Variants in MICU1 observed in about 807,000 individuals in gnomAD.
MICU1 encodes the protein mitochondrial calcium uptake 1, also known as calcium uptake protein 1, mitochondrial.
Under a neutral mutation model 56.8 loss-of-function variants are expected in MICU1, and 45 were observed. The observed-to-expected ratio is 0.79, with a 90% CI of 0.62 to 1.02. The LOEUF is 1.02. MICU1 is among the 50% of genes least tolerant of loss of function. The probability of loss-of-function intolerance (pLI) is 0.00; values close to 1 mark genes in which losing one functional copy is unlikely to be tolerated. For synonymous variants in MICU1, 186 were observed against 195.1 expected (o/e 0.95, Z 0.39); for missense variants, 504 against 587.1 (o/e 0.86, Z 1.46).
At chr10:72,484,984 A>T (rs1264125816) in intron 6 of MICU1, among the ~76,000 whole-genome samples, 1 of 152,166 alleles carries the variant, frequency 6.6e-6, no homozygotes, top group African/African-American at 2.4e-5. Flanking sequence ...GCTGCCTTTG[A>T]GTTACAAGGG....
intron 10 of MICU1, among the ~76,000 whole-genome samples, chr10:72,407,134 A>C (rs568735645): frequency 6.6e-6 from 1 of 152,310 alleles, no homozygotes; most frequent in Admixed American, 6.5e-5. Context: ...GGGGGCAAAA[A>C]CTGTGAAGGG....
At chr10:72,500,367 G>A (rs111401159) in intron 6 of MICU1, among the ~76,000 whole-genome samples, 11 of 133,558 alleles carry the variant, frequency 8.2e-5, no homozygotes, top group African/African-American at 2.6e-4. Flanking sequence ...AGGCTAGGGT[G>A]CAGTGGCGTG....
chr10:72,571,761 C>T (rs1449393622), intron 1 of MICU1, among the ~76,000 whole-genome samples: 1 of 151,768 alleles, frequency 6.6e-6, no homozygotes, highest in Non-Finnish European at 1.5e-5. Flanking sequence ...CAAAAAATTT[C>T]CAAAGAAAAA....
rs527967776 is a variant in MICU1 at position 72,505,079 on chromosome 10, T to G, written c.652+3076A>C. 2.0e-5 allele frequency among the ~76,000 whole-genome samples: 3 copies of G among 152,104 alleles called. No individual in the cohort carries two copies. The East Asian group carries it at 5.8e-4, about 29-fold the overall frequency. Reference sequence around the variant, plus strand: ...ACCTCCACCTCCCGGGTTCAAGTGATTCTCCTGCCTTAGCCTCCTGAGTAG... The same window carrying G: ...ACCTCCACCTCCCGGGTTCAAGTGAGTCTCCTGCCTTAGCCTCCTGAGTAG... On this transcript the variant is annotated intron_variant, in intron 6 of 11. Coordinates refer to ENST00000361114, the MANE Select transcript of MICU1 (RefSeq NM_001195518.2).
intron 10 of MICU1, among the ~76,000 whole-genome samples, chr10:72,391,332 T>C (rs1013382982): frequency 6.6e-6 from 1 of 152,030 alleles, no homozygotes; most frequent in Non-Finnish European, 1.5e-5. Flanking sequence ...CTTGGGAGGC[T>C]GAGGCAGGAG....
chr10:72,508,305 T>C, intron 5 of MICU1, 36 bp from the exon 6 acceptor site: 1 of 865,700 alleles, frequency 1.2e-6, no homozygotes, highest in Non-Finnish European at 1.8e-6. Context: ...AAGACAAAAA[T>C]ATATAAGTGA....
At chr10:72,520,336 T>A (rs1191367628) in intron 5 of MICU1, among the ~76,000 whole-genome samples, 1 of 152,132 alleles carries the variant, frequency 6.6e-6, no homozygotes, top group Non-Finnish European at 1.5e-5. Flanking sequence ...ATTAAAAATG[T>A]TGCACAGCTA....
intron 10 of MICU1, among the ~76,000 whole-genome samples, chr10:72,378,330 G>A (rs1319650814): frequency 6.6e-6 from 1 of 152,260 alleles, no homozygotes; most frequent in South Asian, 2.1e-4. Context: ...GGAGGGGCCT[G>A]GTAGGAGGTT....
rs1347256979 is a variant in MICU1 at position 72,457,214 on chromosome 10, ACTTTTT to A, written c.933+17880_933+17885del. On this transcript the variant is annotated intron_variant, in intron 8 of 11. Coordinates refer to ENST00000361114, the MANE Select transcript of MICU1 (RefSeq NM_001195518.2). ...TGGGTTAGAAACTGTCTTACTTCCT[ACTTTTT>A]TTTTTTTTTTTTTAAAGAGAGAGGG... is the stretch of plus-strand genomic sequence containing the variant. Among the ~76,000 whole-genome samples the A allele has an allele frequency of 1.7e-3, 250 of 143,784 alleles. 1 individual carries two copies. The highest frequency in any genetic ancestry group is 5.9e-3 in the African/African-American group (228 of 38,586). The allele number at this position is 143,784 out of a possible 152,430, so 94.3% of individuals were successfully genotyped here. A position where few individuals can be genotyped will look rare whatever the true frequency, so the allele number is the denominator to read the frequency against.
At chr10:72,371,022 CTCTG>C (rs1287970918) in intron 11 of MICU1, among the ~76,000 whole-genome samples, 4 of 151,088 alleles carry the variant, frequency 2.6e-5, no homozygotes, top group African/African-American at 9.8e-5. Flanking sequence ...CAGAGTCAGA[CTCTG>C]TCTCAAAAAA....
intron 5 of MICU1, among the ~76,000 whole-genome samples, chr10:72,530,372 A>AATAATAATG (rs538954555): frequency 0.078 from 11,267 of 143,866 alleles, 842 homozygotes; most frequent in African/African-American, 0.18. Context: ...TAATAATAAT[A>AATAATAATG]ATGCCAGAAT....
chr10:72,500,840 T>C (rs1867046677), intron 6 of MICU1, among the ~76,000 whole-genome samples: 1 of 152,186 alleles, frequency 6.6e-6, no homozygotes, highest in Non-Finnish European at 1.5e-5. Context: ...ATAAATAATA[T>C]TTAGCATTCC....
chr10:72,481,320 T>C (rs1031612796), intron 6 of MICU1, among the ~76,000 whole-genome samples: 23 of 152,254 alleles, frequency 1.5e-4, no homozygotes, highest in African/African-American at 5.3e-4. Flanking sequence ...CTAGTTGTTT[T>C]GGAAAGCTTA....
intron 8 of MICU1, among the ~76,000 whole-genome samples, chr10:72,470,709 G>T (rs192656859): frequency 7.8e-6 from 1 of 127,584 alleles, no homozygotes; most frequent in Admixed American, 7.1e-5. Context: ...AACTTTGATC[G>T]GGGGGGGTGA....
chr10:72,397,007 GAA>G (rs1863289035), intron 10 of MICU1, among the ~76,000 whole-genome samples: 1 of 152,138 alleles, frequency 6.6e-6, no homozygotes, highest in African/African-American at 2.4e-5. Flanking sequence ...TGAAATGAAG[GAA>G]AAAGTGTTAA....
At chr10:72,610,415 C>A (rs1037463223) in intron 1 of MICU1, among the ~76,000 whole-genome samples, 1 of 151,784 alleles carries the variant, frequency 6.6e-6, no homozygotes, top group Non-Finnish European at 1.5e-5. Context: ...ACAAAAACTG[C>A]CAAGGATGGT....
chr10:72,405,812 C>T (rs1050210142), intron 10 of MICU1, among the ~76,000 whole-genome samples: 23 of 151,958 alleles, frequency 1.5e-4, no homozygotes, highest in African/African-American at 5.6e-4. Flanking sequence ...ATGACAAAAA[C>T]CCTTTTCAAA....
chr10:72,449,063 G>T (rs1360848819), intron 8 of MICU1, among the ~76,000 whole-genome samples: 1 of 152,152 alleles, frequency 6.6e-6, no homozygotes, highest in Non-Finnish European at 1.5e-5. Context: ...CCTCCAGGGA[G>T]CTGGGACTAC....
chr10:72,573,825 AG>A (rs1840676042), intron 1 of MICU1, among the ~76,000 whole-genome samples: 1 of 152,210 alleles, frequency 6.6e-6, no homozygotes, highest in Non-Finnish European at 1.5e-5. Flanking sequence ...CACTGAGCTC[AG>A]GCCCAATAAT....
Sources: allele counts gnomAD v4.1 joint callset (sites outside exome capture counted in the v4.1 genomes callset), GRCh38; gene constraint gnomAD v4.1.1; transcripts MANE v1.5; gene names NCBI Gene and HGNC (gene_info 2026-07-23, HGNC 2026-07-21).